CACNA1C: variants seen among roughly 807,000 people sequenced by gnomAD.
CACNA1C encodes the protein calcium voltage-gated channel subunit alpha1 C.
Under a neutral mutation model 229.0 loss-of-function variants are expected in CACNA1C, and 30 were observed. The observed-to-expected ratio is 0.13, with a 90% CI of 0.10 to 0.18. The LOEUF is 0.18. Among genes scored for constraint, CACNA1C ranks in the 10% least tolerant of loss-of-function variants. CACNA1C has a pLI of 1.00. For missense variants in CACNA1C, 1,658 were observed against 2,845.0 expected (o/e 0.58, Z 9.49); for synonymous variants, 1,114 against 1,132.5 (o/e 0.98, Z 0.33).
intron 3 of CACNA1C, among the ~76,000 whole-genome samples, chr12:2,323,359 C>A (rs756298024): frequency 6.6e-6 from 1 of 152,178 alleles, no homozygotes; most frequent in Non-Finnish European, 1.5e-5. Context: ...GTCTCTCTAG[C>A]CTAGATATGC....
intron 1 of CACNA1C, among the ~76,000 whole-genome samples, chr12:2,035,421 G>C (rs1421044334): frequency 1.3e-5 from 2 of 152,232 alleles, no homozygotes; most frequent in African/African-American, 4.8e-5. Flanking sequence ...GGCAGGGAGT[G>C]GGTAGGATGG....
chr12:2,426,941 A>G (rs749482689), intron 3 of CACNA1C, among the ~76,000 whole-genome samples: 1 of 152,230 alleles, frequency 6.6e-6, no homozygotes, highest in Non-Finnish European at 1.5e-5. Flanking sequence ...TTATTCCACC[A>G]TATTCTTTTG....
Position 2,053,077 on chromosome 12 carries a change from C to A in CACNA1C, c.-486C>A. 2 of 984,388 alleles carry A rather than the reference C, an allele frequency of 2.0e-6. No individual in the cohort carries two copies. Among genetic ancestry groups the A allele is most frequent in the Non-Finnish European group, 2.4e-6 (2 of 829,326 alleles). The allele number at this position is 984,388 out of a possible 1,614,324, so 61.0% of individuals were successfully genotyped here. ...GCCCGGAGCGGCGGCGGCGGCTCTT[C>A]CTGCCTCCGCGCCCAGGAGTTGCCG... On this transcript the variant is annotated 5_prime_UTR_variant, in exon 1 of 47. Coordinates refer to ENST00000399655, the MANE Select transcript of CACNA1C (RefSeq NM_000719.7). This position sits in a 1 kb window ranked among gnomAD's most constrained non-coding sequence, Gnocchi z 5.8.
chr12:2,111,892 G>A (rs1477067511), intron 1 of CACNA1C, among the ~76,000 whole-genome samples: 6 of 152,214 alleles, frequency 3.9e-5, no homozygotes, highest in African/African-American at 9.6e-5. Context: ...TACTGCGGGG[G>A]CAGGTGGTGT....
chr12:2,597,410 A>G lies in CACNA1C; in HGVS notation c.2853+121A>G. On this transcript the variant is annotated intron_variant, in intron 21 of 46. Transcript: ENST00000399655. The surrounding 1 kb of genome is among the most constrained non-coding windows in gnomAD (Gnocchi z 4.3). ...TGGTGTGGGGTTCACTCTCAGAGCC[A>G]CTAATCCAATTATGCTTATTTTTCA... 3 of 1,582,152 alleles carry G rather than the reference A, an allele frequency of 1.9e-6. No homozygotes were observed. The highest frequency in any genetic ancestry group is 2.6e-6 in the Non-Finnish European group (3 of 1,150,988).
chr12:2,022,648 T>A (rs912529981), intron 1 of CACNA1C, among the ~76,000 whole-genome samples: 5 of 152,168 alleles, frequency 3.3e-5, no homozygotes, highest in African/African-American at 1.2e-4. Flanking sequence ...TCTCTCTATG[T>A]TGTCCAGTCT....
intron 3 of CACNA1C, among the ~76,000 whole-genome samples, chr12:2,311,749 C>A (rs2095448979): frequency 1.3e-5 from 2 of 152,202 alleles, no homozygotes; most frequent in African/African-American, 4.8e-5. Context: ...TCATACTTGC[C>A]TGATAAAACT....
Position 2,582,868 on chromosome 12 carries a change from T to A in CACNA1C, c.2150T>A (p.Met717Lys). ...DWNSVMYDGI[M>K]AYGGPSFPGM... ...AATTCGGTGATGTATGATGGGATCA[T>A]GGCTTATGGCGGCCCCTCTTTTCCA... The change falls in exon 15 of 47, where the codon ATG becomes AAG. Residue 717 changes from methionine to lysine, a missense_variant. By Grantham distance (95) the Met-to-Lys change is moderately conservative. Coordinates refer to ENST00000399655, the MANE Select transcript of CACNA1C (RefSeq NM_000719.7). 6.2e-7 allele frequency: 1 copy of A among 1,612,198 alleles called. No homozygotes were observed. The highest frequency in any genetic ancestry group is 8.5e-7 in the Non-Finnish European group (1 of 1,178,926).
At chr12:2,391,957 G>T (rs180987036) in intron 3 of CACNA1C, among the ~76,000 whole-genome samples, 8 of 152,224 alleles carry the variant, frequency 5.3e-5, no homozygotes, top group Admixed American at 5.2e-4. Flanking sequence ...GGCACAGAGC[G>T]TTCCCGTGTT....
Position 2,677,227 on chromosome 12 carries a change from G to C in CACNA1C, c.4956+6G>C, listed in dbSNP as rs1380990790. 6.2e-7 allele frequency: 1 copy of C among 1,613,090 alleles called. No homozygotes were observed. Among genetic ancestry groups the C allele is most frequent in the Non-Finnish European group, 8.5e-7 (1 of 1,179,618 alleles). ...GGAACGCGCTGTCTCTGCAGGTGAG[G>C]GCCTGGGGGCGGGCCCACACTCCAG... On this transcript the variant is annotated splice_donor_region_variant and intron_variant, in intron 40 of 46. Transcript: ENST00000399655. This position sits in a 1 kb window ranked among gnomAD's most constrained non-coding sequence, Gnocchi z 7.4.
intron 3 of CACNA1C, among the ~76,000 whole-genome samples, chr12:2,157,843 AC>A (rs1361938203): frequency 1.3e-5 from 2 of 152,246 alleles, no homozygotes; most frequent in African/African-American, 2.4e-5. Context: ...CTTAAAAAAA[AC>A]ACATTATTTT....
chr12:2,268,310 C>T (rs1249375600), intron 3 of CACNA1C, among the ~76,000 whole-genome samples: 1 of 152,128 alleles, frequency 6.6e-6, no homozygotes, highest in Non-Finnish European at 1.5e-5. Context: ...CAGGATCCAG[C>T]GAGATCCAGG....
chr12:2,449,948 G>C (rs1056618634), intron 4 of CACNA1C, among the ~76,000 whole-genome samples: 5 of 152,122 alleles, frequency 3.3e-5, no homozygotes, highest in Admixed American at 6.5e-5. Context: ...ACTCTACAGG[G>C]GGCCTGGTTC....
At chr12:2,184,752 A>T in intron 3 of CACNA1C, among the ~76,000 whole-genome samples, 1 of 152,230 alleles carries the variant, frequency 6.6e-6, no homozygotes, top group East Asian at 1.9e-4. Flanking sequence ...TGAGGAAGAC[A>T]GGCAAACAAG....
rs1568945552 is a variant in CACNA1C at position 2,633,712 on chromosome 12, T to C, written c.3829-585T>C. ...TTGACGTCATTCTCAGTGAGACTAA[T>C]GTGAGTATTACTCTGCCCTCCCCAG... is the stretch of plus-strand genomic sequence containing the variant. On this transcript the variant is annotated intron_variant, in intron 29 of 46. Transcript: ENST00000399655. The surrounding 1 kb of genome is among the most constrained non-coding windows in gnomAD (Gnocchi z 5.8). The C allele has an allele frequency of 1.3e-6, 2 of 1,559,700 alleles. No individual in the cohort carries two copies. The highest frequency in any genetic ancestry group is 1.7e-5 in the Admixed American group (1 of 59,942).
intron 3 of CACNA1C, among the ~76,000 whole-genome samples, chr12:2,385,289 A>G (rs2098356115): frequency 6.6e-6 from 1 of 152,126 alleles, no homozygotes; most frequent in Non-Finnish European, 1.5e-5. Context: ...GCACACAGCC[A>G]GGTACTGCAC....
rs542453647 is a variant in CACNA1C, at chr12:2,131,654, A to G, written c.477+11224A>G. ...ATTTCTGAGGGCTCTGTTCTGTTCC[A>G]TTGATCTATATCTCTGTTTTGGTAC... is the stretch of plus-strand genomic sequence containing the variant. On this transcript the variant is annotated intron_variant, in intron 3 of 46. Transcript: ENST00000399655. Among the ~76,000 whole-genome samples the G allele has an allele frequency of 1.6e-3, 232 of 143,304 alleles. 6 individuals carry two copies. In the East Asian group the frequency reaches 0.042, roughly 26 times the overall value. 94.0% of individuals were successfully genotyped at this position (143,304 alleles called of 152,430 possible).
At chr12:1,991,141 T>C (rs2039306837) in intron 1 of CACNA1C, 1 of 456,118 alleles carries the variant, frequency 2.2e-6, no homozygotes, top group Non-Finnish European at 4.4e-6. Context: ...CATCCATGTT[T>C]AATAGTAGAG....
chr12:2,663,689 C>G (rs535063100), intron 34 of CACNA1C, among the ~76,000 whole-genome samples: 3 of 151,302 alleles, frequency 2.0e-5, no homozygotes, highest in African/African-American at 7.3e-5. Flanking sequence ...CCACCTGTTC[C>G]CAAAAAACTA....
Sources: allele counts gnomAD v4.1 joint callset (sites outside exome capture counted in the v4.1 genomes callset), GRCh38; gene constraint gnomAD v4.1.1; non-coding constraint Gnocchi (gnomAD v3.1); transcripts MANE v1.5; gene names NCBI Gene and HGNC (gene_info 2026-07-23, HGNC 2026-07-21).